The following SEMA5A variants were observed in gnomAD, a reference collection of about 807,000 sequenced individuals.
SEMA5A encodes the protein semaphorin 5A.
SEMA5A carries 55 observed loss-of-function variants against 135.5 expected under a neutral mutation model. The observed-to-expected ratio is 0.41, with a 90% CI of 0.33 to 0.51. SEMA5A has a LOEUF of 0.51. Among genes scored for constraint, SEMA5A ranks in the 20% least tolerant of loss-of-function variants. The pLI, the probability that SEMA5A is intolerant of heterozygous loss-of-function variation, is 0.37. For synonymous variants in SEMA5A, 580 were observed against 546.5 expected (o/e 1.06, Z -0.85); for missense variants, 1,290 against 1,419.9 (o/e 0.91, Z 1.47).
At chr5:9,151,349 A>G (rs1159646574) in intron 12 of SEMA5A, among the ~76,000 whole-genome samples, 1 of 152,220 alleles carries the variant, frequency 6.6e-6, no homozygotes, top group African/African-American at 2.4e-5. Flanking sequence ...AGATTCATTT[A>G]TAAGACTGGT....
chr5:9,063,856 G>A (rs1737315169), intron 17 of SEMA5A, among the ~76,000 whole-genome samples: 1 of 152,210 alleles, frequency 6.6e-6, no homozygotes, highest in Non-Finnish European at 1.5e-5. Flanking sequence ...TGTGGGTGAT[G>A]TGTACAGTGA....
At chr5:9,466,016 A>G (rs901559580) in intron 1 of SEMA5A, among the ~76,000 whole-genome samples, 1 of 152,138 alleles carries the variant, frequency 6.6e-6, no homozygotes, top group Non-Finnish European at 1.5e-5. Flanking sequence ...TACAAGTTAA[A>G]CCAATGCTAA....
At chr5:9,533,654 G>A (rs1737581838) in intron 1 of SEMA5A, among the ~76,000 whole-genome samples, 1 of 152,116 alleles carries the variant, frequency 6.6e-6, no homozygotes, top group African/African-American at 2.4e-5. Flanking sequence ...AACTCCCAAT[G>A]GCTCAGAGAA....
intron 1 of SEMA5A, among the ~76,000 whole-genome samples, chr5:9,513,476 C>A (rs942921293): frequency 6.6e-6 from 1 of 152,100 alleles, no homozygotes; most frequent in Non-Finnish European, 1.5e-5. Flanking sequence ...ACTTCAACCA[C>A]TTGGAACACA....
chr5:9,333,677 C>A (rs1056676328), intron 4 of SEMA5A, among the ~76,000 whole-genome samples: 1 of 151,912 alleles, frequency 6.6e-6, no homozygotes, highest in African/African-American at 2.4e-5. Context: ...TTTTTTATAC[C>A]AAGAAACTGA....
At chr5:9,115,331 A>G (rs1410759209) in intron 15 of SEMA5A, among the ~76,000 whole-genome samples, 1 of 152,232 alleles carries the variant, frequency 6.6e-6, no homozygotes, top group Admixed American at 6.5e-5. Context: ...TCCAGAAGGC[A>G]GAGCCAAGAA....
At chr5:9,157,626 C>T (rs1235739630) in intron 11 of SEMA5A, among the ~76,000 whole-genome samples, 1 of 152,188 alleles carries the variant, frequency 6.6e-6, no homozygotes, top group Admixed American at 6.5e-5. Flanking sequence ...AGGCTCCAGG[C>T]ATGCACATGG....
At chr5:9,408,284 A>G (rs946830316) in intron 2 of SEMA5A, among the ~76,000 whole-genome samples, 2 of 152,210 alleles carry the variant, frequency 1.3e-5, no homozygotes, top group African/African-American at 4.8e-5. Flanking sequence ...GCTCCAGCAC[A>G]ATCAAACTTC....
chr5:9,224,690 G>A lies in SEMA5A; in HGVS notation c.630C>T (p.Asn210=), dbSNP rs1382556797. 1.2e-6 allele frequency: 2 copies of A among 1,614,068 alleles called. No homozygotes were observed. Among genetic ancestry groups the A allele is most frequent in the Non-Finnish European group, 1.7e-6 (2 of 1,180,026 alleles). ...AAGGCTTACCATTGAGCCATTTGGA[G>A]TTGTACTGCGCCGTGCGGAGAGGAG... ...ILPPLRTAQY[N]SKWLNEPNFV... The change falls in exon 8 of 23, where the codon AAC becomes AAT. Residue 210 remains asparagine (N), a synonymous_variant. Coordinates refer to ENST00000382496, the MANE Select transcript of SEMA5A (RefSeq NM_003966.3).
At chr5:9,318,238 G>T in intron 5 of SEMA5A, 134 bp downstream of exon 5, 1 of 713,318 alleles carries the variant, frequency 1.4e-6, no homozygotes, top group Non-Finnish European at 2.3e-6. Flanking sequence ...TTAGTCCCGT[G>T]GCCTGACCTG....
At chr5:9,264,403 C>T (rs1186766150) in intron 5 of SEMA5A, among the ~76,000 whole-genome samples, 1 of 152,086 alleles carries the variant, frequency 6.6e-6, no homozygotes, top group African/African-American at 2.4e-5. Flanking sequence ...AACATTAAAC[C>T]ATCTAGGCTC....
intron 8 of SEMA5A, among the ~76,000 whole-genome samples, chr5:9,224,273 A>G (rs1747168297): frequency 6.6e-6 from 1 of 152,206 alleles, no homozygotes. Flanking sequence ...ACATTCTTTT[A>G]TACAGTTGCT....
intron 16 of SEMA5A, among the ~76,000 whole-genome samples, chr5:9,078,042 G>C (rs1027590832): frequency 2.6e-5 from 4 of 152,168 alleles, no homozygotes; most frequent in Admixed American, 2.0e-4. Context: ...TGGGCATTTT[G>C]CTTCCATAAA....
At chr5:9,371,627 A>G (rs1383573088) in intron 3 of SEMA5A, among the ~76,000 whole-genome samples, 1 of 152,260 alleles carries the variant, frequency 6.6e-6, no homozygotes, top group East Asian at 1.9e-4. Flanking sequence ...GTTATACCTT[A>G]GCTGGTTCCT....
chr5:9,489,035 G>A (rs1734868749), intron 1 of SEMA5A, among the ~76,000 whole-genome samples: 1 of 152,110 alleles, frequency 6.6e-6, no homozygotes, highest in Non-Finnish European at 1.5e-5. Flanking sequence ...ATTTTCATGA[G>A]TATCAGGCCT....
intron 4 of SEMA5A, among the ~76,000 whole-genome samples, chr5:9,330,097 T>C (rs1753054436): frequency 1.3e-5 from 2 of 151,506 alleles, no homozygotes; most frequent in African/African-American, 4.9e-5. Context: ...AGATAACTGT[T>C]GTACTAGGCT....
At chr5:9,194,376 G>A (rs1745278523) in intron 10 of SEMA5A, among the ~76,000 whole-genome samples, 1 of 152,124 alleles carries the variant, frequency 6.6e-6, no homozygotes, top group African/African-American at 2.4e-5. Flanking sequence ...CTGCTTCTCT[G>A]ATTAATTAGC....
chr5:9,388,885 C>T lies in SEMA5A; in HGVS notation c.-77-8862G>A, dbSNP rs545121597. 2.8e-5 allele frequency among the ~76,000 whole-genome samples: 4 copies of T among 144,366 alleles called. No individual in the cohort carries two copies. In the South Asian group the frequency reaches 6.5e-4, roughly 23 times the overall value. 94.7% of individuals were successfully genotyped at this position (144,366 alleles called of 152,430 possible). A position where few individuals can be genotyped will look rare whatever the true frequency, so the allele number is the denominator to read the frequency against. ...CTGCACTCCAGCCTGGGTGACACAG[C>T]GAGACTCCGTCTCAAAAAAAAAAAG... is the stretch of plus-strand genomic sequence containing the variant. On this transcript the variant is annotated intron_variant, in intron 2 of 22. Transcript: ENST00000382496.
chr5:9,321,820 C>T (rs1561144218), intron 4 of SEMA5A, among the ~76,000 whole-genome samples: 1 of 152,140 alleles, frequency 6.6e-6, no homozygotes, highest in Non-Finnish European at 1.5e-5. Flanking sequence ...TTGGTGATAT[C>T]TCATGGTTCA....
Sources: allele counts gnomAD v4.1 joint callset (sites outside exome capture counted in the v4.1 genomes callset), GRCh38; gene constraint gnomAD v4.1.1; transcripts MANE v1.5; gene names NCBI Gene and HGNC (gene_info 2026-07-23, HGNC 2026-07-21).